The following SETBP1 variants were observed in gnomAD, a reference collection of about 807,000 sequenced individuals.
The protein encoded by SETBP1 is SET-binding protein.
A neutral mutation model predicts 101.0 loss-of-function variants in SETBP1; 9 were observed. The observed-to-expected ratio is 0.09, with a 90% CI of 0.05 to 0.16. The LOEUF (loss-of-function observed/expected upper bound fraction) is 0.16, where lower values mean the gene tolerates loss of function less well. SETBP1 is among the 10% of genes least tolerant of loss of function. The pLI is 1.00. For missense variants in SETBP1, 1,858 were observed against 2,033.8 expected (o/e 0.91, Z 1.66); for synonymous variants, 818 against 788.5 (o/e 1.04, Z -0.63).
At chr18:44,967,216 T>C (rs1186478853) in intron 4 of SETBP1, among the ~76,000 whole-genome samples, 2 of 152,148 alleles carry the variant, frequency 1.3e-5, no homozygotes, top group African/African-American at 2.4e-5. Context: ...AGTAACAAAA[T>C]ACACATTTCA....
At chr18:44,874,563 A>C (rs1381571211) in intron 3 of SETBP1, among the ~76,000 whole-genome samples, 2 of 152,198 alleles carry the variant, frequency 1.3e-5, no homozygotes, top group Non-Finnish European at 2.9e-5. Flanking sequence ...AATGCCAAAA[A>C]GTTTGGTGGC....
intron 2 of SETBP1, among the ~76,000 whole-genome samples, chr18:44,771,746 T>C (rs2070879545): frequency 6.6e-6 from 1 of 152,100 alleles, no homozygotes; most frequent in Admixed American, 6.5e-5. Flanking sequence ...TGCAGCCCTT[T>C]CCACTCTTAT....
At chr18:44,727,739 C>T (rs1246479763) in intron 2 of SETBP1, among the ~76,000 whole-genome samples, 1 of 152,206 alleles carries the variant, frequency 6.6e-6, no homozygotes, top group Non-Finnish European at 1.5e-5. Flanking sequence ...TAGCCAATCT[C>T]CTTGGTGCTT....
rs1021786293 is a variant in SETBP1, at chr18:44,854,383, T to C, written c.487-14847T>C. ...CTAATAATGCAGATTTCTCAACGTGTTCTACAAGGTGGGTCAATCCCAAAC... is the reference window on the plus strand; with the variant it reads ...CTAATAATGCAGATTTCTCAACGTGCTCTACAAGGTGGGTCAATCCCAAAC... On this transcript the variant is annotated intron_variant, in intron 2 of 5. Coordinates refer to ENST00000649279, the MANE Select transcript of SETBP1 (RefSeq NM_015559.3). 8.5e-5 allele frequency among the ~76,000 whole-genome samples: 13 copies of C among 152,292 alleles called. No individual in the cohort carries two copies. In the East Asian group the frequency reaches 2.5e-3, roughly 29 times the overall value.
chr18:45,030,480 G>T (rs1249310764), intron 4 of SETBP1, among the ~76,000 whole-genome samples: 1 of 135,500 alleles, frequency 7.4e-6, no homozygotes, highest in Non-Finnish European at 1.6e-5. Context: ...CTCTTTTTTG[G>T]TTGTGTCTCT....
At chr18:44,760,748 A>G (rs1249908384) in intron 2 of SETBP1, among the ~76,000 whole-genome samples, 1 of 152,186 alleles carries the variant, frequency 6.6e-6, no homozygotes, top group African/African-American at 2.4e-5. Context: ...TGGGTATGGA[A>G]ATAGAGGGAG....
chr18:44,691,400 G>A (rs937698393), intron 1 of SETBP1, among the ~76,000 whole-genome samples: 1 of 128,366 alleles, frequency 7.8e-6, no homozygotes. Context: ...ACTTTTCCTT[G>A]ACTGCACAGA....
intron 2 of SETBP1, among the ~76,000 whole-genome samples, chr18:44,857,684 A>G (rs1490431100): frequency 5.3e-5 from 8 of 152,194 alleles, no homozygotes. Context: ...TCAGTGGGCA[A>G]TGTATAGAGA....
chr18:45,038,340 T>C, intron 4 of SETBP1, 145 bp from the exon 5 acceptor site: 1 of 819,042 alleles, frequency 1.2e-6, no homozygotes, highest in Non-Finnish European at 2.0e-6. Flanking sequence ...TTTTCTCTTT[T>C]AGCATTTTTA....
chr18:44,683,611 C>T (rs2068793034), intron 1 of SETBP1, among the ~76,000 whole-genome samples: 2 of 152,122 alleles, frequency 1.3e-5, no homozygotes. Context: ...ATCTCTGCTC[C>T]AAAGCTTCTA....
intron 2 of SETBP1, among the ~76,000 whole-genome samples, chr18:44,723,268 C>T (rs1476007716): frequency 6.6e-6 from 1 of 152,200 alleles, no homozygotes; most frequent in Non-Finnish European, 1.5e-5. Context: ...AAAGTTGCTG[C>T]TTTCATCTCT....
intron 2 of SETBP1, among the ~76,000 whole-genome samples, chr18:44,743,728 T>G (rs1204321108): frequency 6.6e-6 from 1 of 152,232 alleles, no homozygotes; most frequent in Non-Finnish European, 1.5e-5. Context: ...GTTGTCTGAC[T>G]TGGTTTGATG....
chr18:44,881,705 C>G (rs1352015381), intron 3 of SETBP1, among the ~76,000 whole-genome samples: 1 of 152,126 alleles, frequency 6.6e-6, no homozygotes, highest in East Asian at 1.9e-4. Flanking sequence ...TTCGCTAGAT[C>G]CAGATTCATA....
intron 2 of SETBP1, among the ~76,000 whole-genome samples, chr18:44,716,160 A>G (rs2069458510): frequency 6.6e-6 from 1 of 152,088 alleles, no homozygotes; most frequent in African/African-American, 2.4e-5. Context: ...AAAGGCTGGT[A>G]TTGTGTTTCA....
At chr18:44,682,912 G>T (rs1370116716) in intron 1 of SETBP1, among the ~76,000 whole-genome samples, 1 of 152,088 alleles carries the variant, frequency 6.6e-6, no homozygotes, top group Non-Finnish European at 1.5e-5. Context: ...GGGGGAGGAG[G>T]TGGTGAGCGA....
intron 2 of SETBP1, among the ~76,000 whole-genome samples, chr18:44,750,674 C>T (rs1255467479): frequency 6.6e-6 from 1 of 152,166 alleles, no homozygotes; most frequent in Non-Finnish European, 1.5e-5. Flanking sequence ...CCAGACACCA[C>T]CAGACTTCTT....
chr18:44,750,071 C>T (rs2070346779), intron 2 of SETBP1, among the ~76,000 whole-genome samples: 1 of 152,206 alleles, frequency 6.6e-6, no homozygotes, highest in Non-Finnish European at 1.5e-5. Flanking sequence ...TGGGGAATGT[C>T]TAGCTCTGGG....
At chr18:44,725,823 G>C (rs556258418) in intron 2 of SETBP1, among the ~76,000 whole-genome samples, 1 of 151,886 alleles carries the variant, frequency 6.6e-6, no homozygotes, top group African/African-American at 2.4e-5. Flanking sequence ...CTCCAACTCC[G>C]TTTTCTTCCC....
chr18:45,014,893 G>C (rs927754570), intron 4 of SETBP1, among the ~76,000 whole-genome samples: 10 of 152,158 alleles, frequency 6.6e-5, no homozygotes, highest in Non-Finnish European at 1.3e-4. Flanking sequence ...GAGTGCCTTA[G>C]CATGATGTAC....
Sources: allele counts gnomAD v4.1 joint callset (sites outside exome capture counted in the v4.1 genomes callset), GRCh38; gene constraint gnomAD v4.1.1; transcripts MANE v1.5; gene names NCBI Gene and HGNC (gene_info 2026-07-23, HGNC 2026-07-21).